Variants in SGCD observed in about 807,000 individuals in gnomAD.
The protein encoded by SGCD is sarcoglycan delta, also known as delta-sarcoglycan.
SGCD carries 18 observed loss-of-function variants against 36.6 expected under a neutral mutation model. The ratio of observed to expected loss-of-function variants is 0.49; its 90% CI spans 0.34 to 0.73. The LOEUF is 0.73. SGCD is among the 30% of genes least tolerant of loss of function. The pLI is 0.01. For missense variants in SGCD, 387 were observed against 346.7 expected, an observed-to-expected ratio of 1.12 and a Z score of -0.92; for synonymous variants, 133 against 130.6, an observed-to-expected ratio of 1.02 and a Z score of -0.12.
intron 1 of SGCD, among the ~76,000 whole-genome samples, chr5:156,028,349 A>G (rs1428259916): frequency 1.3e-5 from 2 of 152,178 alleles, no homozygotes; most frequent in Non-Finnish European, 2.9e-5. Context: ...ATAGAGAATA[A>G]TTTAGTAAAG....
chr5:156,437,862 T>G (rs1046140284), intron 3 of SGCD, among the ~76,000 whole-genome samples: 1 of 152,184 alleles, frequency 6.6e-6, no homozygotes, highest in Non-Finnish European at 1.5e-5. Context: ...TGGAATTACC[T>G]CTGTGATTTA....
chr5:156,642,523 G>A (rs963243218), intron 6 of SGCD, among the ~76,000 whole-genome samples: 1 of 148,246 alleles, frequency 6.7e-6, no homozygotes, highest in African/African-American at 2.5e-5. Context: ...AGGCTAGAGG[G>A]CAGTGATGGG....
intron 3 of SGCD, among the ~76,000 whole-genome samples, chr5:156,213,183 AAAC>A (rs1381270998): frequency 1.3e-5 from 2 of 151,998 alleles, no homozygotes; most frequent in Non-Finnish European, 2.9e-5. Context: ...GAGACTAGAA[AAAC>A]AATAGCAAAG....
intron 6 of SGCD, among the ~76,000 whole-genome samples, chr5:156,644,979 A>G (rs1763175361): frequency 6.6e-6 from 1 of 151,502 alleles, no homozygotes; most frequent in African/African-American, 2.4e-5. Context: ...GAGGGAAAAG[A>G]GCCCTTGAGC....
chr5:155,994,829 C>A (rs1290667524), intron 1 of SGCD, among the ~76,000 whole-genome samples: 1 of 152,298 alleles, frequency 6.6e-6, no homozygotes, highest in East Asian at 1.9e-4. Context: ...CATATTCACA[C>A]TGATTCCATG....
intron 1 of SGCD, among the ~76,000 whole-genome samples, chr5:155,943,351 TTTA>T (rs1757371835): frequency 6.6e-6 from 1 of 152,192 alleles, no homozygotes; most frequent in African/African-American, 2.4e-5. Context: ...GGAATTCTGC[TTTA>T]TTGGTGAAAT....
At chr5:156,728,935 G>T (rs931375223) in intron 7 of SGCD, among the ~76,000 whole-genome samples, 2 of 152,066 alleles carry the variant, frequency 1.3e-5, no homozygotes, top group Non-Finnish European at 2.9e-5. Flanking sequence ...CTCTATCTTT[G>T]TTTACATCTG....
chr5:155,792,896 T>C, the SGCD span, among the ~76,000 whole-genome samples: 1 of 152,174 alleles, frequency 6.6e-6, no homozygotes, highest in Non-Finnish European at 1.5e-5. Flanking sequence ...ACAATCCTAT[T>C]ACTGGGTATA....
chr5:156,041,055 A>G (rs1759620698), intron 1 of SGCD, among the ~76,000 whole-genome samples: 1 of 152,224 alleles, frequency 6.6e-6, no homozygotes, highest in Admixed American at 6.5e-5. Context: ...TAGATTTGAA[A>G]TAGTGTTTTT....
chr5:156,384,585 A>C (rs1327781342), intron 3 of SGCD, among the ~76,000 whole-genome samples: 1 of 152,206 alleles, frequency 6.6e-6, no homozygotes, highest in Non-Finnish European at 1.5e-5. Context: ...GCACAAATTA[A>C]AAAGTTAAGT....
At chr5:155,947,346 T>TG (rs201352882) in intron 1 of SGCD, among the ~76,000 whole-genome samples, 2 of 145,846 alleles carry the variant, frequency 1.4e-5, no homozygotes, top group African/African-American at 2.8e-5. Context: ...TGTAATGTTT[T>TG]GGTTTTTTTT....
chr5:156,377,578 G>C (rs10062636), intron 3 of SGCD, among the ~76,000 whole-genome samples: 16,030 of 152,162 alleles, frequency 0.11, 954 homozygotes, highest in South Asian at 0.2. Flanking sequence ...TGCACGACAG[G>C]CTTTCAGTAG....
intron 7 of SGCD, among the ~76,000 whole-genome samples, chr5:156,672,653 T>A (rs1048270382): frequency 6.6e-6 from 1 of 152,242 alleles, no homozygotes; most frequent in East Asian, 1.9e-4. Context: ...TGTTCTTACT[T>A]CTTCTCTCTC....
At chr5:155,915,493 G>T (rs1756716976) in intron 1 of SGCD, among the ~76,000 whole-genome samples, 1 of 152,072 alleles carries the variant, frequency 6.6e-6, no homozygotes, top group African/African-American at 2.4e-5. Context: ...TAAATCAGTG[G>T]CTACTGAATG....
At chr5:155,835,929 A>T in the SGCD span, among the ~76,000 whole-genome samples, 1 of 151,836 alleles carries the variant, frequency 6.6e-6, no homozygotes. Context: ...CAGGGTATCC[A>T]CTCTTATAGC....
At chr5:156,166,738 A>G (rs913906104) in intron 3 of SGCD, among the ~76,000 whole-genome samples, 2 of 152,210 alleles carry the variant, frequency 1.3e-5, no homozygotes, top group African/African-American at 2.4e-5. Context: ...TTAGGGAAGA[A>G]GTTTTAGACA....
intron 1 of SGCD, among the ~76,000 whole-genome samples, chr5:156,021,738 G>A (rs1362629405): frequency 2.6e-5 from 4 of 152,140 alleles, no homozygotes; most frequent in African/African-American, 9.7e-5. Context: ...GAGGTCTGGT[G>A]TGAGCCGGAG....
chr5:155,814,849 CA>C, the SGCD span, among the ~76,000 whole-genome samples: 2 of 151,994 alleles, frequency 1.3e-5, no homozygotes, highest in African/African-American at 4.8e-5. Context: ...CAACAAAAGT[CA>C]AAACAGAATG....
At chr5:155,903,655 G>A (rs244967) in intron 1 of SGCD, among the ~76,000 whole-genome samples, 138,392 of 152,208 alleles carry the variant, frequency 0.91, 63,037 homozygotes, top group African/African-American at 0.96. Flanking sequence ...TGATTAGCCA[G>A]TTAAATGAAC....
Sources: allele counts gnomAD v4.1 joint callset (sites outside exome capture counted in the v4.1 genomes callset), GRCh38; gene constraint gnomAD v4.1.1; transcripts MANE v1.5; gene names NCBI Gene and HGNC (gene_info 2026-07-23, HGNC 2026-07-21).